The following C22orf31 variants were observed in gnomAD, a reference collection of about 807,000 sequenced individuals.
C22orf31 encodes uncharacterized protein C22orf31.
C22orf31 carries 11 observed loss-of-function variants against 15.0 expected under a neutral mutation model. The observed-to-expected ratio is 0.73, with a 90% CI of 0.46 to 1.21. The LOEUF (loss-of-function observed/expected upper bound fraction) is 1.21. Among genes scored for constraint, C22orf31 ranks in the 50% most tolerant of loss-of-function variants. C22orf31 has a pLI of 0.00. For synonymous variants in C22orf31, 132 were observed against 133.3 expected (o/e 0.99, Z 0.07); for missense variants, 340 against 347.2 (o/e 0.98, Z 0.17).
chr22:29,062,973 C>G (rs1030651978), upstream of C22orf31, among the ~76,000 whole-genome samples: 61 of 152,018 alleles, frequency 4.0e-4, 1 homozygote, highest in Non-Finnish European at 2.6e-4. Flanking sequence ...TGGCACCGGG[C>G]TCCTGGGCTA....
intron 1 of C22orf31, among the ~76,000 whole-genome samples, 195 bp downstream of exon 1, chr22:29,061,595 C>T (rs983138512): frequency 6.6e-6 from 1 of 152,112 alleles, no homozygotes; most frequent in Non-Finnish European, 1.5e-5. Context: ...CTGCCATGCA[C>T]CAAGAAGAGC....
the C22orf31 span, among the ~76,000 whole-genome samples, chr22:29,069,137 T>C: frequency 6.6e-6 from 1 of 152,148 alleles, no homozygotes; most frequent in Admixed American, 6.5e-5. Context: ...CGATGTCACC[T>C]TTGGGCAAGT....
chr22:29,069,490 G>A, the C22orf31 span, among the ~76,000 whole-genome samples: 6 of 152,078 alleles, frequency 3.9e-5, no homozygotes, highest in African/African-American at 1.4e-4. Flanking sequence ...ACAGACAAAC[G>A]GACACCAACA....
chr22:29,068,041 T>C, the C22orf31 span, among the ~76,000 whole-genome samples: 2 of 147,194 alleles, frequency 1.4e-5, no homozygotes, highest in African/African-American at 5.1e-5. Context: ...GAATAGTCAC[T>C]GCAATCCAAT....
intron 1 of C22orf31, 44 bp from the exon 2 acceptor site, chr22:29,060,887 C>T (rs1307502407): frequency 1.3e-6 from 2 of 1,515,080 alleles, no homozygotes; most frequent in Non-Finnish European, 1.8e-6. Context: ...AAGGACCGTT[C>T]TTCAGCAGAG....
the C22orf31 span, among the ~76,000 whole-genome samples, chr22:29,071,967 G>A: frequency 6.6e-6 from 1 of 152,056 alleles, no homozygotes; most frequent in Non-Finnish European, 1.5e-5. Flanking sequence ...TTCTGCAAAC[G>A]GCTGAGCCTC....
the C22orf31 span, among the ~76,000 whole-genome samples, chr22:29,070,590 T>G: frequency 9.2e-5 from 14 of 152,200 alleles, no homozygotes; most frequent in Non-Finnish European, 1.8e-4. Flanking sequence ...TCTGGCATCC[T>G]GCTTAAAGTA....
chr22:29,063,287 A>T (rs1028651682), upstream of C22orf31, among the ~76,000 whole-genome samples: 2 of 151,966 alleles, frequency 1.3e-5, no homozygotes, highest in Admixed American at 6.6e-5. Flanking sequence ...TGCATCAGCC[A>T]CCCAAGACGC....
chr22:29,062,493 C>G (rs2037400668), upstream of C22orf31, among the ~76,000 whole-genome samples: 1 of 152,130 alleles, frequency 6.6e-6, no homozygotes, highest in African/African-American at 2.4e-5. Flanking sequence ...GAAAGGAGAA[C>G]AAAGCCGCCT....
the C22orf31 span, among the ~76,000 whole-genome samples, chr22:29,068,219 T>C: frequency 6.6e-6 from 1 of 150,604 alleles, no homozygotes; most frequent in East Asian, 2.0e-4. Context: ...GTAGCTGACA[T>C]TATAGGCGCA....
Position 29,060,440 on chromosome 22 carries a change from C to A in C22orf31, c.407G>T (p.Arg136Met), listed in dbSNP as rs1463015395. ...SSKSKQPAGH[R>M]RPAGGIRESK... ...CTCTCTGATGCCTCCTGCAGGCCTC[C>A]TATGCCCTGCTGGCTGCTTGCTCTT... is the stretch of plus-strand genomic sequence containing the variant. The change falls in exon 2 of 3, where the codon AGG becomes ATG. Residue 136 changes from arginine to methionine, a missense_variant. Coordinates refer to ENST00000216071, the MANE Select transcript of C22orf31 (RefSeq NM_015370.2). 23 of 1,613,394 alleles carry A rather than the reference C, an allele frequency of 1.4e-5. No individual in the cohort carries two copies. The highest frequency in any genetic ancestry group is 1.9e-5 in the Non-Finnish European group (22 of 1,179,902).
chr22:29,073,563 G>A, the C22orf31 span, among the ~76,000 whole-genome samples: 1 of 151,882 alleles, frequency 6.6e-6, no homozygotes, highest in Non-Finnish European at 1.5e-5. This position sits in a 1 kb window ranked among gnomAD's most constrained non-coding sequence, Gnocchi z 4.4. Context: ...TCTCTGTCTC[G>A]GGATCTGGGA....
At chr22:29,071,211 G>A in the C22orf31 span, among the ~76,000 whole-genome samples, 88 of 152,294 alleles carry the variant, frequency 5.8e-4, no homozygotes, top group African/African-American at 2.0e-3. Flanking sequence ...GGGATGGTGG[G>A]TGCCCCTAAG....
rs1220957234 is a variant in C22orf31, at chr22:29,060,708, C to T, written c.139G>A (p.Ala47Thr). 6.2e-7 allele frequency: 1 copy of T among 1,614,136 alleles called. No homozygotes were observed. Among genetic ancestry groups the T allele is most frequent in the South Asian group, 1.1e-5 (1 of 91,084 alleles). ...LTNIWMARTCAKQNINAPAPA... is the reference protein window; with the variant it reads ...LTNIWMARTCTKQNINAPAPA... ...GCTGGGGCATTAATGTTCTGCTTTG[C>T]ACATGTTCTGGCCATCCAGATGTTG... Residue 47 changes from alanine (A) to threonine (T), a missense_variant, in exon 2 of 3, where the codon GCA becomes ACA. By Grantham distance (58) the Ala-to-Thr change is moderately conservative (BLOSUM62 0). Coordinates refer to ENST00000216071, the MANE Select transcript of C22orf31 (RefSeq NM_015370.2).
chr22:29,066,363 C>T (rs1364680591), upstream of C22orf31, among the ~76,000 whole-genome samples: 2 of 152,066 alleles, frequency 1.3e-5, no homozygotes, highest in African/African-American at 4.8e-5. Context: ...GATTCCTGAA[C>T]TGTGATGCAA....
intron 1 of C22orf31, 66 bp downstream of exon 1, chr22:29,061,724 G>T: frequency 8.2e-7 from 1 of 1,212,612 alleles, no homozygotes. Context: ...GGATAGATTA[G>T]AATCACATAT....
At chr22:29,065,517 T>C (rs889993535), upstream of C22orf31, among the ~76,000 whole-genome samples, 1 of 152,220 alleles carries the variant, frequency 6.6e-6, no homozygotes, top group African/African-American at 2.4e-5. Flanking sequence ...CAGACTTTCA[T>C]GATCCATCTT....
chr22:29,066,631 G>T (rs5752863), upstream of C22orf31, among the ~76,000 whole-genome samples: 22,408 of 132,438 alleles, frequency 0.17, 2,201 homozygotes, highest in East Asian at 0.5. Context: ...CACGATCTTG[G>T]CTCACTGCAA....
At chr22:29,071,174 C>A in the C22orf31 span, among the ~76,000 whole-genome samples, 5 of 152,064 alleles carry the variant, frequency 3.3e-5, no homozygotes, top group Non-Finnish European at 5.9e-5. Flanking sequence ...GGGGGGCGGT[C>A]CCCAGGACCG....
Sources: allele counts gnomAD v4.1 joint callset (sites outside exome capture counted in the v4.1 genomes callset), GRCh38; gene constraint gnomAD v4.1.1; non-coding constraint Gnocchi (gnomAD v3.1); transcripts MANE v1.5; gene names NCBI Gene and HGNC (gene_info 2026-07-23, HGNC 2026-07-21).